NTRK3: variants seen among roughly 807,000 people sequenced by gnomAD.
NTRK3 encodes neurotrophic receptor tyrosine kinase 3, also known as NT-3 growth factor receptor.
Under a neutral mutation model 91.7 loss-of-function variants are expected in NTRK3, and 24 were observed. That is an observed-to-expected ratio of 0.26 (90% CI 0.19 to 0.37). The LOEUF (loss-of-function observed/expected upper bound fraction) is 0.37. NTRK3 is among the 10% of genes least tolerant of loss of function. The probability of loss-of-function intolerance (pLI) is 1.00; values close to 1 mark genes in which losing one functional copy is unlikely to be tolerated. For missense variants in NTRK3, 880 were observed against 1,068.9 expected, an observed-to-expected ratio of 0.82 and a Z score of 2.46; for synonymous variants, 483 against 404.0, an observed-to-expected ratio of 1.20 and a Z score of -2.34.
At chr15:87,968,410 T>G (rs2072971622) in intron 14 of NTRK3, among the ~76,000 whole-genome samples, 2 of 152,148 alleles carry the variant, frequency 1.3e-5, no homozygotes, top group Admixed American at 1.3e-4. Flanking sequence ...CTTCAAAGAC[T>G]TCTGGGAGGT....
At chr15:88,187,538 TTGGTTTGCCTTTGTCAA>T (rs1417655175) in intron 3 of NTRK3, among the ~76,000 whole-genome samples, 1 of 152,184 alleles carries the variant, frequency 6.6e-6, no homozygotes, top group Non-Finnish European at 1.5e-5. Context: ...AAGAGCAGGT[TTGGTTTGCCTTTGTCAA>T]TGGTGAGTAT....
chr15:88,197,121 A>AAAC (rs2047906705), intron 3 of NTRK3, among the ~76,000 whole-genome samples: 11 of 144,750 alleles, frequency 7.6e-5, no homozygotes, highest in African/African-American at 3.0e-4. Context: ...AAAAAAAAAA[A>AAAC]AAAAAACCTC....
chr15:88,214,661 GAA>G (rs60980840), intron 3 of NTRK3, among the ~76,000 whole-genome samples: 3,034 of 133,124 alleles, frequency 0.023, 102 homozygotes, highest in African/African-American at 0.071. Context: ...AAATAAAGCA[GAA>G]AAAAAAAAAA....
chr15:87,983,677 A>G (rs947390830), intron 14 of NTRK3, among the ~76,000 whole-genome samples: 4 of 152,208 alleles, frequency 2.6e-5, no homozygotes, highest in Non-Finnish European at 5.9e-5. Flanking sequence ...CCAGCTCTTC[A>G]TACCTCCAAA....
chr15:87,938,379 T>C (rs888437771), intron 15 of NTRK3, among the ~76,000 whole-genome samples: 6 of 152,132 alleles, frequency 3.9e-5, no homozygotes, highest in Non-Finnish European at 1.5e-5. Flanking sequence ...AGGAAGGGTC[T>C]TGCAAAAAGA....
In NTRK3 at chr15:88,229,893, G is replaced by A. The variant is rs572786295; in HGVS notation, c.248+26013C>T. 5.9e-5 allele frequency among the ~76,000 whole-genome samples: 9 copies of A among 152,336 alleles called. No homozygotes were observed. In the South Asian group the frequency reaches 6.2e-4, roughly 11 times the overall value. ...GACTGACATCAGGAACATTTGTTCC[G>A]GCTTGGAAAATCTAACCAAGTCACA... On this transcript the variant is annotated intron_variant, in intron 3 of 18. Transcript: ENST00000394480.
At position 88,033,720 on chromosome 15, in the gene NTRK3, C is replaced by T. The variant is rs562465197; in HGVS notation, c.1397-675G>A. ...TCTTTCTTGAGAATTACTCACCTAT[C>T]AAACCATGGAAACAGCTGGAAAATC... On this transcript the variant is annotated intron_variant, in intron 13 of 18. Transcript: ENST00000394480. Among the ~76,000 whole-genome samples the T allele has an allele frequency of 2.0e-5, 3 of 152,288 alleles. No individual in the cohort carries two copies. The East Asian group carries it at 5.8e-4, about 29-fold the overall frequency.
chr15:88,138,406 T>C (rs1232361723), intron 6 of NTRK3, among the ~76,000 whole-genome samples: 1 of 152,102 alleles, frequency 6.6e-6, no homozygotes, highest in African/African-American at 2.4e-5. Flanking sequence ...CAAGACTCTG[T>C]CTCAAGAAAA....
At chr15:87,978,703 A>C in intron 14 of NTRK3, 1 of 233,434 alleles carries the variant, frequency 4.3e-6, no homozygotes, top group Non-Finnish European at 8.5e-6. Flanking sequence ...GTCCCAAAAA[A>C]GGATGATTTT....
At chr15:88,147,555 A>G in intron 5 of NTRK3, 152 bp from the exon 6 acceptor site, 1 of 594,954 alleles carries the variant, frequency 1.7e-6, no homozygotes, top group South Asian at 1.9e-5. Flanking sequence ...CTTCTTCTTC[A>G]TGCTGTTAGG....
At chr15:87,968,871 A>T (rs2073017737) in intron 14 of NTRK3, among the ~76,000 whole-genome samples, 1 of 152,228 alleles carries the variant, frequency 6.6e-6, no homozygotes, top group South Asian at 2.1e-4. Context: ...GGATATGATT[A>T]TCAACATGAA....
chr15:88,077,873 C>T (rs1380669096), intron 13 of NTRK3, among the ~76,000 whole-genome samples: 2 of 152,172 alleles, frequency 1.3e-5, no homozygotes, highest in Non-Finnish European at 2.9e-5. Flanking sequence ...ACACTGGCAC[C>T]AATAACCACA....
At chr15:88,151,616 T>A (rs2043386075) in intron 5 of NTRK3, among the ~76,000 whole-genome samples, 1 of 152,216 alleles carries the variant, frequency 6.6e-6, no homozygotes, top group African/African-American at 2.4e-5. Context: ...ACGGACCCTG[T>A]TGCCAAGAGA....
chr15:88,170,813 A>G (rs961359118), intron 5 of NTRK3, among the ~76,000 whole-genome samples: 2 of 152,134 alleles, frequency 1.3e-5, no homozygotes, highest in Non-Finnish European at 2.9e-5. Context: ...CGACTCCCCT[A>G]AGCCCAACCC....
At position 88,129,464 on chromosome 15, in the gene NTRK3, G is replaced by C. The variant is rs563164972; in HGVS notation, c.1205-730C>G. 2.0e-5 allele frequency among the ~76,000 whole-genome samples: 3 copies of C among 152,304 alleles called. No individual in the cohort carries two copies. The South Asian group carries it at 6.2e-4, about 32-fold the overall frequency. On this transcript the variant is annotated intron_variant, in intron 10 of 18. Transcript: ENST00000394480. ...AACTAATTGGATGTCACTCATTTAA[G>C]AAGAAATTAGAGCTGAATTCAAATC...
At chr15:87,905,696 T>C (rs939960047) in intron 17 of NTRK3, among the ~76,000 whole-genome samples, 2 of 152,120 alleles carry the variant, frequency 1.3e-5, no homozygotes, top group African/African-American at 4.8e-5. Flanking sequence ...AAACCTTTGT[T>C]CAGTCTCAGC....
chr15:88,176,075 T>C (rs2045961306), intron 5 of NTRK3, among the ~76,000 whole-genome samples: 1 of 152,180 alleles, frequency 6.6e-6, no homozygotes, highest in Admixed American at 6.5e-5. Flanking sequence ...CTGTACTATT[T>C]ATATTTGTAC....
rs569869760 is a variant in NTRK3 at position 88,176,777 on chromosome 15, G to A, written c.395+6641C>T. ...ATAGCAGGGAAAATTTCTGCTCCAC[G>A]GAAGTTTACATTCCAGTGCGGGAGA... On this transcript the variant is annotated intron_variant, in intron 5 of 18. Transcript: ENST00000394480. Among the ~76,000 whole-genome samples, 8 of 152,282 alleles carry A rather than the reference G, an allele frequency of 5.3e-5. No homozygotes were observed. In the South Asian group the frequency reaches 8.3e-4, roughly 16 times the overall value.
At chr15:87,872,515 T>C (rs1016168422) in exon 19 of NTRK3, 1 of 228,572 alleles carries the variant, frequency 4.4e-6, no homozygotes, top group African/African-American at 2.2e-5. Context: ...GGCAGGCCTC[T>C]CTCCATATCT....
Sources: gnomAD v4.1 joint callset for allele counts (sites outside exome capture counted in the v4.1 genomes callset) on GRCh38, gnomAD v4.1.1 for gene constraint, MANE v1.5 for transcripts, NCBI Gene and HGNC (gene_info 2026-07-23, HGNC 2026-07-21) for gene names.